Variants in MDGA2 observed in about 807,000 individuals in gnomAD.
MDGA2 encodes MAM domain containing glycosylphosphatidylinositol anchor 2, also known as MAM domain-containing glycosylphosphatidylinositol anchor protein 2.
Under a neutral mutation model 117.8 loss-of-function variants are expected in MDGA2, and 40 were observed. The observed-to-expected ratio is 0.34, with a 90% CI of 0.26 to 0.44. The LOEUF (loss-of-function observed/expected upper bound fraction) is 0.44. MDGA2 is among the 20% of genes least tolerant of loss of function. MDGA2 has a pLI of 1.00. For missense variants in MDGA2, 1,123 were observed against 1,250.6 expected (o/e 0.90, Z 1.54); for synonymous variants, 452 against 439.0 (o/e 1.03, Z -0.37).
chr14:47,332,007 T>C (rs898074437), intron 1 of MDGA2, among the ~76,000 whole-genome samples: 9 of 152,126 alleles, frequency 5.9e-5, no homozygotes, highest in Middle Eastern at 3.4e-3. Context: ...GGAAATTATA[T>C]CCAGTTATTC....
chr14:47,443,156 G>A (rs1285743029), intron 1 of MDGA2, among the ~76,000 whole-genome samples: 1 of 152,050 alleles, frequency 6.6e-6, no homozygotes, highest in Admixed American at 6.6e-5. Context: ...TAAGATCTAC[G>A]GTGAGAACAA....
Position 47,106,983 on chromosome 14 carries a change from T to C in MDGA2, c.926-9860A>G, listed in dbSNP as rs192876610. Among the ~76,000 whole-genome samples the C allele has an allele frequency of 3.6e-4, 43 of 119,724 alleles. 7 individuals are homozygous for C. In the East Asian group the frequency reaches 7.6e-3, roughly 21 times the overall value. 78.5% of individuals were successfully genotyped at this position (119,724 alleles called of 152,430 possible). A position where few individuals can be genotyped will look rare whatever the true frequency, so the allele number is the denominator to read the frequency against. On this transcript the variant is annotated intron_variant, in intron 5 of 16. Coordinates refer to ENST00000399232, the MANE Select transcript of MDGA2 (RefSeq NM_001113498.3). ...TAACTAAATTATCTGCTTCCCTGAC[T>C]ATTCCTGGACTACAGCTATATCTCA...
chr14:47,436,479 G>A (rs891428643), intron 1 of MDGA2, among the ~76,000 whole-genome samples: 1 of 152,034 alleles, frequency 6.6e-6, no homozygotes, highest in Non-Finnish European at 1.5e-5. Flanking sequence ...CTAGGAGAAT[G>A]GCAGGGAAAA....
chr14:47,025,062 T>C (rs146398860), intron 8 of MDGA2, among the ~76,000 whole-genome samples: 3 of 152,102 alleles, frequency 2.0e-5, no homozygotes, highest in Non-Finnish European at 4.4e-5. Context: ...CAAAAATATA[T>C]TGGAAACATG....
intron 1 of MDGA2, among the ~76,000 whole-genome samples, chr14:47,492,998 A>C (rs1352377436): frequency 6.6e-6 from 1 of 152,018 alleles, no homozygotes; most frequent in African/African-American, 2.4e-5. Flanking sequence ...TTATCTTTTA[A>C]TTATTGTTGA....
intron 8 of MDGA2, among the ~76,000 whole-genome samples, chr14:47,006,239 C>G (rs897463856): frequency 6.6e-6 from 1 of 151,142 alleles, no homozygotes; most frequent in Admixed American, 6.6e-5. Context: ...TTTCAGCTGT[C>G]AAGATGCAAT....
chr14:47,092,767 G>A (rs916479773), intron 6 of MDGA2, among the ~76,000 whole-genome samples: 2 of 152,120 alleles, frequency 1.3e-5, no homozygotes, highest in East Asian at 1.9e-4. Flanking sequence ...GAGTCTCACA[G>A]GGAAGGGACA....
At chr14:46,847,692 A>AT (rs1371402624) in intron 15 of MDGA2, among the ~76,000 whole-genome samples, 1 of 152,078 alleles carries the variant, frequency 6.6e-6, no homozygotes, top group Non-Finnish European at 1.5e-5. Flanking sequence ...GGTGCAGAAT[A>AT]TTCCACATTA....
intron 8 of MDGA2, among the ~76,000 whole-genome samples, chr14:47,008,463 A>G (rs947389840): frequency 6.6e-6 from 1 of 151,908 alleles, no homozygotes; most frequent in African/African-American, 2.4e-5. Flanking sequence ...ATAAGCTGCA[A>G]TTTCTAAGAC....
rs147835700 is a variant in MDGA2 at position 47,641,363 on chromosome 14, A to G, written c.280+33154T>C. Among the ~76,000 whole-genome samples, 2 of 152,218 alleles carry G rather than the reference A, an allele frequency of 1.3e-5. 1 individual carries two copies. The highest frequency in any genetic ancestry group is 4.8e-5 in the African/African-American group (2 of 41,576). ...TTGTCAACTCTGCCCACTGTGGACAATTGTAATCCCTGATTCAATGAGTGT... is the reference window on the plus strand; with the variant it reads ...TTGTCAACTCTGCCCACTGTGGACAGTTGTAATCCCTGATTCAATGAGTGT... On this transcript the variant is annotated intron_variant, in intron 1 of 16. Transcript: ENST00000399232.
chr14:47,153,705 G>GA lies in MDGA2; in HGVS notation c.596-9432dup, dbSNP rs1450677286. On this transcript the variant is annotated intron_variant, in intron 3 of 16. Transcript: ENST00000399232. ...GTACAGGCAAAAAAAGAAAAGAAAA[G>GA]AAATAAAAAAAAAAAAAAAACAGTT... Among the ~76,000 whole-genome samples the GA allele has an allele frequency of 4.7e-4, 55 of 116,312 alleles. 1 individual carries two copies. Among genetic ancestry groups the GA allele is most frequent in the Middle Eastern group, 4.1e-3 (1 of 244 alleles). The allele number at this position is 116,312 out of a possible 152,430, so 76.3% of individuals were successfully genotyped here.
intron 8 of MDGA2, among the ~76,000 whole-genome samples, chr14:47,011,039 T>A (rs937201393): frequency 3.3e-5 from 5 of 152,046 alleles, no homozygotes; most frequent in Non-Finnish European, 5.9e-5. Context: ...TTAAGGTTAA[T>A]GATTAGAAGT....
intron 6 of MDGA2, among the ~76,000 whole-genome samples, chr14:47,066,676 C>G (rs1436290129): frequency 6.6e-6 from 1 of 151,752 alleles, no homozygotes; most frequent in Non-Finnish European, 1.5e-5. Context: ...ATAATCATTT[C>G]TGAGCAAATA....
chr14:47,431,248 G>C (rs1175255987), intron 1 of MDGA2, among the ~76,000 whole-genome samples: 1 of 151,798 alleles, frequency 6.6e-6, no homozygotes, highest in Non-Finnish European at 1.5e-5. Flanking sequence ...ATAGGCAATG[G>C]CAACTCACTC....
chr14:46,902,397 C>G (rs1001406788), intron 10 of MDGA2, among the ~76,000 whole-genome samples: 1 of 152,106 alleles, frequency 6.6e-6, no homozygotes, highest in African/African-American at 2.4e-5. Flanking sequence ...TCCCTCACTA[C>G]AGGGAAGAAT....
At chr14:47,065,334 G>T (rs1018816708) in intron 6 of MDGA2, among the ~76,000 whole-genome samples, 8 of 152,106 alleles carry the variant, frequency 5.3e-5, no homozygotes, top group Admixed American at 3.9e-4. Flanking sequence ...CTGTGTAAAT[G>T]GAGTGAAACC....
At chr14:47,098,253 C>T (rs1244819108) in intron 5 of MDGA2, among the ~76,000 whole-genome samples, 3 of 125,344 alleles carry the variant, frequency 2.4e-5, no homozygotes, top group African/African-American at 6.1e-5. Context: ...AAACTGTCTG[C>T]CGTGTTTGAA....
chr14:47,558,526 GA>G (rs1359238217), intron 1 of MDGA2, among the ~76,000 whole-genome samples: 3 of 152,146 alleles, frequency 2.0e-5, no homozygotes, highest in Non-Finnish European at 4.4e-5. Flanking sequence ...CTGGATTTCA[GA>G]AATAAATAAG....
At chr14:47,554,299 A>T (rs2138784419) in intron 1 of MDGA2, among the ~76,000 whole-genome samples, 1 of 152,332 alleles carries the variant, frequency 6.6e-6, no homozygotes, top group East Asian at 1.9e-4. Flanking sequence ...GCTGCTAGGA[A>T]AAATAACTTT....
Sources: gnomAD v4.1 joint callset for allele counts (sites outside exome capture counted in the v4.1 genomes callset) on GRCh38, gnomAD v4.1.1 for gene constraint, MANE v1.5 for transcripts, NCBI Gene and HGNC (gene_info 2026-07-23, HGNC 2026-07-21) for gene names.